MAP3K15: variants seen among roughly 807,000 people sequenced by gnomAD.
MAP3K15 encodes the protein mitogen-activated protein kinase kinase kinase 15.
In MAP3K15, 124 loss-of-function variants were observed where a neutral mutation model predicts 99.5. The ratio of observed to expected loss-of-function variants is 1.25; its 90% CI spans 1.08 to 1.45. The LOEUF (loss-of-function observed/expected upper bound fraction) is 1.45. Among genes scored for constraint, MAP3K15 ranks in the 40% most tolerant of loss-of-function variants. The pLI is 0.00. For synonymous variants in MAP3K15, 494 were observed against 439.6 expected, an observed-to-expected ratio of 1.12 and a Z score of -1.55; for missense variants, 1,242 against 1,079.7, an observed-to-expected ratio of 1.15 and a Z score of -2.11.
intron 4 of MAP3K15, among the ~76,000 whole-genome samples, chrX:19,460,743 C>CTGTTTTTT (rs1476256647): frequency 9.3e-6 from 1 of 107,832 alleles, no homozygotes; most frequent in Non-Finnish European, 1.9e-5. Context: ...GCCAGATGTT[C>CTGTTTTTT]TGTTTTTTTG....
rs1189174599 is a variant in MAP3K15, at chrX:19,460,003, C to T, written c.870G>A (p.Leu290=). ...LTSDIIINLL[L]SYRDIQDYDA... ...TTCATACCTGGATATCACGGTAGGA[C>T]AGGAGTAAGTTAATGATGATGTCTG... Residue 290 remains leucine, a synonymous_variant, in exon 5 of 29, where the codon CTG becomes CTA. Transcript: ENST00000338883. 8 of 1,167,463 alleles carry T rather than the reference C, an allele frequency of 6.9e-6. No individual in the cohort carries two copies. The highest frequency in any genetic ancestry group is 9.1e-6 in the Non-Finnish European group (8 of 879,051).
At position 19,515,387 on chromosome X, in the gene MAP3K15, A is replaced by C; in HGVS notation, c.-126T>G. On this transcript the variant is annotated 5_prime_UTR_variant, in exon 1 of 29. Transcript: ENST00000338883. ...TCCTGAAGCGCGGGACGCTACGGGA[A>C]TCGAGGGAACGGAGCGCACCGGGGA... 1 of 386,151 alleles carries C rather than the reference A, an allele frequency of 2.6e-6. No homozygotes were observed. Among genetic ancestry groups the C allele is most frequent in the Non-Finnish European group, 3.4e-6 (1 of 291,811 alleles). The allele number at this position is 386,151 out of a possible 1,213,427, so 31.8% of individuals were successfully genotyped here.
chrX:19,421,013 G>A (rs2147292843), intron 9 of MAP3K15, among the ~76,000 whole-genome samples: 1 of 111,256 alleles, frequency 9.0e-6, no homozygotes, highest in South Asian at 3.8e-4. Flanking sequence ...CAATACATTA[G>A]GTATTGATGG....
intron 6 of MAP3K15, among the ~76,000 whole-genome samples, chrX:19,441,511 C>T (rs964526940): frequency 2.0e-4 from 22 of 111,823 alleles, no homozygotes; most frequent in African/African-American, 7.1e-4. Context: ...GGTTTGGGTC[C>T]GTCGTCCAGG....
chrX:19,399,739 C>CAAAAA (rs777947449), intron 14 of MAP3K15, among the ~76,000 whole-genome samples: 6 of 35,488 alleles, frequency 1.7e-4, no homozygotes, highest in African/African-American at 2.6e-4. Flanking sequence ...ACTCTGTTTC[C>CAAAAA]AAAAAAAAAA....
In MAP3K15 at chrX:19,486,492, T is replaced by G. The variant is rs2064326519; in HGVS notation, c.515A>C (p.Gln172Pro). 1.1e-6 allele frequency: 1 copy of G among 872,689 alleles called. No individual in the cohort carries two copies. Among genetic ancestry groups the G allele is most frequent in the Non-Finnish European group, 1.5e-6 (1 of 645,661 alleles). The allele number at this position is 872,689 out of a possible 1,213,427, so 71.9% of individuals were successfully genotyped here. A position where few individuals can be genotyped will look rare whatever the true frequency, so the allele number is the denominator to read the frequency against. The change falls in exon 3 of 29, where the codon CAA (glutamine) becomes CCA (proline). Residue 172 changes from glutamine (Q) to proline (P), a missense_variant. Coordinates refer to ENST00000338883, the MANE Select transcript of MAP3K15 (RefSeq NM_001001671.4). ...AATGTTAATACTTACTGTGTTTTTT[T>G]GAGTTACCATGTCCTGAAAAGAAAA... The part of the protein sequence containing the change: ...TALSLKDMVT[Q>P]KNTASSGNYY...
At chrX:19,415,921 G>A (rs902562503) in intron 9 of MAP3K15, among the ~76,000 whole-genome samples, 5 of 111,885 alleles carry the variant, frequency 4.5e-5, no homozygotes, top group Non-Finnish European at 9.4e-5. Flanking sequence ...TAAAGATGTG[G>A]TATTATATCA....
At chrX:19,362,900 CCATT>C (rs1423065395) in intron 25 of MAP3K15, 50 bp from the exon 26 acceptor site, 1 of 700,084 alleles carries the variant, frequency 1.4e-6, no homozygotes, top group Non-Finnish European at 2.2e-6. Flanking sequence ...GCATTCAACA[CCATT>C]CAATTTAACT....
Position 19,407,168 on chromosome X carries a change from C to T in MAP3K15, c.1844+20G>A, listed in dbSNP as rs2063654305. 1 of 1,030,533 alleles carries T rather than the reference C, an allele frequency of 9.7e-7. No individual in the cohort carries two copies. Among genetic ancestry groups the T allele is most frequent in the Middle Eastern group, 2.6e-4 (1 of 3,855 alleles). 84.9% of individuals were successfully genotyped at this position (1,030,533 alleles called of 1,213,427 possible). ...TTCGCCATAATTACATTGCAAATAC[C>T]TGAATTGGCTGTAACTCACCTACTG... On this transcript the variant is annotated intron_variant, in intron 13 of 28. Transcript: ENST00000338883.
chrX:19,502,560 T>G (rs2064447554), intron 1 of MAP3K15, among the ~76,000 whole-genome samples: 1 of 111,931 alleles, frequency 8.9e-6, no homozygotes, highest in African/African-American at 3.3e-5. Context: ...GGCTCACACC[T>G]GTAATCCCAA....
chrX:19,482,905 A>G (rs1438209003), intron 3 of MAP3K15, among the ~76,000 whole-genome samples: 2 of 111,174 alleles, frequency 1.8e-5, no homozygotes, highest in Non-Finnish European at 3.8e-5. Flanking sequence ...TCCACCCTGA[A>G]GTCTGGAGTT....
intron 10 of MAP3K15, among the ~76,000 whole-genome samples, chrX:19,413,683 G>T (rs184958648): frequency 3.3e-5 from 2 of 60,310 alleles, no homozygotes; most frequent in Non-Finnish European, 2.9e-5. Flanking sequence ...CTCTTGGGGG[G>T]GGGGGTGGGG....
chrX:19,423,005 A>C (rs1390312590), intron 9 of MAP3K15, among the ~76,000 whole-genome samples: 2 of 93,437 alleles, frequency 2.1e-5, no homozygotes, highest in Non-Finnish European at 4.2e-5. Flanking sequence ...AGGAAGGGGA[A>C]CACCACACAC....
chrX:19,421,107 C>T (rs916294241), intron 9 of MAP3K15, among the ~76,000 whole-genome samples: 3 of 110,918 alleles, frequency 2.7e-5, no homozygotes, highest in Non-Finnish European at 3.8e-5. Context: ...GAAGCATTCC[C>T]TTTGAAAACT....
intron 22 of MAP3K15, among the ~76,000 whole-genome samples, chrX:19,372,260 G>A (rs1445111373): frequency 9.0e-6 from 1 of 111,721 alleles, no homozygotes; most frequent in African/African-American, 3.3e-5. Context: ...TCCCCAAGGT[G>A]GCTGTTCTCC....
intron 1 of MAP3K15, among the ~76,000 whole-genome samples, chrX:19,494,096 T>C (rs977512429): frequency 2.7e-5 from 3 of 110,391 alleles, no homozygotes; most frequent in Non-Finnish European, 5.7e-5. Flanking sequence ...AAAACACATA[T>C]CATATAAACC....
Position 19,369,237 on chromosome X carries a change from C to T in MAP3K15, c.3401-18G>A. The T allele has an allele frequency of 8.3e-7, 1 of 1,210,995 alleles. No individual in the cohort carries two copies. Reference sequence around the variant, plus strand: ...TCGGAGCTCTGCAAATCACACAAGACATGACAATGGTGAGCAAACCAGGCC... The same window carrying T: ...TCGGAGCTCTGCAAATCACACAAGATATGACAATGGTGAGCAAACCAGGCC... On this transcript the variant is annotated intron_variant, in intron 24 of 28. Coordinates refer to ENST00000338883, the MANE Select transcript of MAP3K15 (RefSeq NM_001001671.4).
At position 19,515,216 on chromosome X, in the gene MAP3K15, C is replaced by T. The variant is rs1482854182; in HGVS notation, c.46G>A (p.Ala16Thr). ...GGCGGGCACTGAGGGGACTCGCTCG[C>T]CGCCCCGAGGGCCCCGGCCGGAGCA... ...GNAPAGALGA[A>T]SESPQCPPPP... The change falls in exon 1 of 29, where the codon GCG becomes ACG. Residue 16 changes from alanine (A) to threonine (T), a missense_variant. Transcript: ENST00000338883. 1.0e-5 allele frequency: 9 copies of T among 887,355 alleles called. No individual in the cohort carries two copies. In the Admixed American group the frequency reaches 5.2e-4, roughly 51 times the overall value. 73.1% of individuals were successfully genotyped at this position (887,355 alleles called of 1,213,427 possible).
At position 19,473,744 on chromosome X, in the gene MAP3K15, A is replaced by G. The variant is rs369819342; in HGVS notation, c.526-9338T>C. 1.4e-4 allele frequency among the ~76,000 whole-genome samples: 16 copies of G among 110,644 alleles called. No individual in the cohort carries two copies. In the East Asian group the frequency reaches 1.7e-3, roughly 12 times the overall value. ...AAAGGTTTTAGTTCCTGACCTAGCA[A>G]TTGCCATTTCCAGAACTACTACCAT... On this transcript the variant is annotated intron_variant, in intron 3 of 28. Transcript: ENST00000338883.
Sources: gnomAD v4.1 joint callset for allele counts (sites outside exome capture counted in the v4.1 genomes callset) on GRCh38, gnomAD v4.1.1 for gene constraint, MANE v1.5 for transcripts, NCBI Gene and HGNC (gene_info 2026-07-23, HGNC 2026-07-21) for gene names.